The following SPATA21 variants were observed in gnomAD, a reference collection of about 807,000 sequenced individuals.
SPATA21 encodes spermatogenesis associated 21, also known as spermatogenesis-associated protein 21.
In SPATA21, 47 loss-of-function variants were observed where a neutral mutation model predicts 54.8. The ratio of observed to expected loss-of-function variants is 0.86; its 90% CI spans 0.68 to 1.09. The LOEUF (loss-of-function observed/expected upper bound fraction) is 1.09, where lower values mean the gene tolerates loss of function less well. Among genes scored for constraint, SPATA21 ranks in the 50% least tolerant of loss-of-function variants. The pLI is 0.00. For synonymous variants in SPATA21, 245 were observed against 235.3 expected, an observed-to-expected ratio of 1.04 and a Z score of -0.38; for missense variants, 599 against 596.4, an observed-to-expected ratio of 1.00 and a Z score of -0.05.
chr1:16,429,986 G>A (rs1391090230), intron 3 of SPATA21, among the ~76,000 whole-genome samples: 1 of 149,802 alleles, frequency 6.7e-6, no homozygotes, highest in Non-Finnish European at 1.5e-5. Flanking sequence ...CCAACATGGT[G>A]AAATCCCATC....
At chr1:16,408,191 G>A (rs1214997441) in intron 7 of SPATA21, among the ~76,000 whole-genome samples, 1 of 152,188 alleles carries the variant, frequency 6.6e-6, no homozygotes, top group Non-Finnish European at 1.5e-5. Context: ...AGGCTTTGGA[G>A]AGGAGTAGGG....
intron 10 of SPATA21, among the ~76,000 whole-genome samples, chr1:16,401,906 C>G (rs779161479): frequency 2.0e-5 from 3 of 152,208 alleles, no homozygotes; most frequent in Admixed American, 2.0e-4. Context: ...GTCCTGGCCA[C>G]TCTTCTAAGT....
chr1:16,418,856 CA>C (rs775244703), intron 5 of SPATA21, among the ~76,000 whole-genome samples: 4 of 152,204 alleles, frequency 2.6e-5, no homozygotes, highest in Non-Finnish European at 5.9e-5. Flanking sequence ...TCTTATTTCT[CA>C]TCTGACTTCT....
intron 5 of SPATA21, among the ~76,000 whole-genome samples, chr1:16,418,248 GTTC>G (rs2086070565): frequency 6.6e-6 from 1 of 152,170 alleles, no homozygotes; most frequent in Admixed American, 6.6e-5. Flanking sequence ...GCAAGGAATA[GTTC>G]TTATTTCTCT....
Position 16,416,832 on chromosome 1 carries a change from A to G in SPATA21, c.144+4677T>C, listed in dbSNP as rs1570160337. Among the ~76,000 whole-genome samples the G allele has an allele frequency of 2.0e-5, 3 of 152,162 alleles. 1 individual carries two copies. Among genetic ancestry groups the G allele is most frequent in the South Asian group, 4.1e-4 (2 of 4,826 alleles). On this transcript the variant is annotated intron_variant, in intron 5 of 12. Transcript: ENST00000335496. ...CCAGCAAATCATGTCACCTTGATGT[A>G]TAAAACCCAGGGTGTGCTGCTTTCT...
At chr1:16,400,088 G>T (rs954377320) in intron 11 of SPATA21, among the ~76,000 whole-genome samples, 2 of 151,772 alleles carry the variant, frequency 1.3e-5, no homozygotes, top group South Asian at 2.1e-4. Flanking sequence ...GTGCAATGGC[G>T]TGATCTCGGC....
chr1:16,417,011 T>C (rs1003126959), intron 5 of SPATA21, among the ~76,000 whole-genome samples: 1 of 152,230 alleles, frequency 6.6e-6, no homozygotes, highest in Non-Finnish European at 1.5e-5. Context: ...ATAACATGTA[T>C]GCATGGGTAT....
At chr1:16,426,579 A>ATATATATATAT (rs1401259793) in intron 3 of SPATA21, among the ~76,000 whole-genome samples, 370 of 107,146 alleles carry the variant, frequency 3.5e-3, no homozygotes, top group Non-Finnish European at 5.7e-3. Flanking sequence ...ATATATATAT[A>ATATATATATAT]TTTTTTTTTT....
rs1238188380 is a variant in SPATA21 at position 16,409,771 on chromosome 1, T to C, written c.417A>G (p.Pro139=). 3.1e-6 allele frequency: 5 copies of C among 1,605,706 alleles called. No individual in the cohort carries two copies. The highest frequency in any genetic ancestry group is 4.2e-6 in the Non-Finnish European group (5 of 1,176,490). ...QTPASVPASG[P]SWARLPAPGP... is the part of the protein sequence containing the mutation. ...CAGGAGCTGGCAGCCGGGCCCACGA[T>C]GGGCCGCTGGCAGGGACCGAGGCAG... The change falls in exon 6 of 13, where the codon CCA becomes CCG. Residue 139 remains proline (P), a synonymous_variant. Transcript: ENST00000335496. This position sits in a 1 kb window ranked among gnomAD's most constrained non-coding sequence, Gnocchi z 4.1.
chr1:16,399,241 G>C (rs988947150), intron 12 of SPATA21, 103 bp downstream of exon 12: 3 of 1,326,898 alleles, frequency 2.3e-6, no homozygotes, highest in South Asian at 1.5e-5. Flanking sequence ...CAGCCTCTCA[G>C]GTATGATCTC....
At chr1:16,412,681 T>G (rs1331988806) in intron 5 of SPATA21, among the ~76,000 whole-genome samples, 1 of 152,228 alleles carries the variant, frequency 6.6e-6, no homozygotes, top group Non-Finnish European at 1.5e-5. Flanking sequence ...CAAACTGGTC[T>G]CGAACTCCTG....
At chr1:16,432,324 G>A (rs2086480604) in intron 2 of SPATA21, among the ~76,000 whole-genome samples, 1 of 151,822 alleles carries the variant, frequency 6.6e-6, no homozygotes, top group Non-Finnish European at 1.5e-5. Context: ...GTTTCACCAG[G>A]TTGGCCACGC....
chr1:16,417,981 C>T (rs2086062415), intron 5 of SPATA21, among the ~76,000 whole-genome samples: 1 of 152,348 alleles, frequency 6.6e-6, no homozygotes, highest in Admixed American at 6.5e-5. Flanking sequence ...CAGGGCTCCT[C>T]TGAGTGCCTG....
downstream of SPATA21, chr1:16,396,013 A>T (rs2085306058): frequency 6.6e-6 from 1 of 152,664 alleles, no homozygotes; most frequent in Admixed American, 6.5e-5. Flanking sequence ...TCCCCTTCCC[A>T]TACCCCTCAG....
intron 10 of SPATA21, among the ~76,000 whole-genome samples, chr1:16,402,365 C>T (rs375588952): frequency 7.7e-4 from 109 of 141,170 alleles, no homozygotes; most frequent in African/African-American, 2.7e-3. Context: ...GGGTTCACGT[C>T]ATTCTCCTGC....
intron 5 of SPATA21, chr1:16,410,682 A>G (rs2085814468): frequency 9.0e-6 from 2 of 222,352 alleles, no homozygotes; most frequent in African/African-American, 4.7e-5. Flanking sequence ...AAGTGCTGGG[A>G]TTACAGGCAT....
At chr1:16,436,191 AG>A in intron 1 of SPATA21, among the ~76,000 whole-genome samples, 1 of 152,170 alleles carries the variant, frequency 6.6e-6, no homozygotes, top group Non-Finnish European at 1.5e-5. Flanking sequence ...GTTTGAGACC[AG>A]CCTGACCAAC....
intron 3 of SPATA21, chr1:16,422,292 T>C: frequency 8.6e-7 from 1 of 1,169,008 alleles, no homozygotes; most frequent in Non-Finnish European, 1.1e-6. Context: ...ATTACACACT[T>C]ACTAGGGTCC....
intron 3 of SPATA21, among the ~76,000 whole-genome samples, chr1:16,425,982 C>A (rs1391585142): frequency 6.6e-6 from 1 of 151,788 alleles, no homozygotes; most frequent in Non-Finnish European, 1.5e-5. Flanking sequence ...CTCCTGGGCT[C>A]AAGCAATCTT....
Sources: gnomAD v4.1 joint callset for allele counts (sites outside exome capture counted in the v4.1 genomes callset) on GRCh38, gnomAD v4.1.1 for gene constraint, Gnocchi (gnomAD v3.1) non-coding constraint, MANE v1.5 for transcripts, NCBI Gene and HGNC (gene_info 2026-07-23, HGNC 2026-07-21) for gene names.